KANK1: variants seen among roughly 807,000 people sequenced by gnomAD.
KANK1 encodes KN motif and ankyrin repeat domains 1, also known as KN motif and ankyrin repeat domain-containing protein 1.
In KANK1, 109 loss-of-function variants were observed where a neutral mutation model predicts 106.2. The observed-to-expected ratio is 1.03, with a 90% confidence interval of 0.88 to 1.20. The LOEUF is 1.20. Ranked by LOEUF, KANK1 falls within the 50% of genes most tolerant of loss-of-function variation. The pLI is 0.00. For synonymous variants in KANK1, 873 were observed against 652.2 expected, an observed-to-expected ratio of 1.34 and a Z score of -5.16; for missense variants, 2,399 against 1,710.7, an observed-to-expected ratio of 1.40 and a Z score of -7.10.
In KANK1 at chr9:474,804, C is replaced by CA. The variant is rs1487323564; in HGVS notation, c.-362+1532dup. Among the ~76,000 whole-genome samples the CA allele has an allele frequency of 2.6e-5, 4 of 152,268 alleles. No individual in the cohort carries two copies. The East Asian group carries it at 5.8e-4, about 22-fold the overall frequency. Reference sequence around the variant, plus strand: ...TGGTGGCAGGGTGACAATGGAGCACCACAAGCTGTCTAGGCCATCTAGACT... The same window carrying CA: ...TGGTGGCAGGGTGACAATGGAGCACCAACAAGCTGTCTAGGCCATCTAGACT... On this transcript the variant is annotated intron_variant, in intron 3 of 15. Transcript: ENST00000382303.
At chr9:615,887 C>T (rs1417843406) in intron 1 of KANK1, among the ~76,000 whole-genome samples, 1 of 152,196 alleles carries the variant, frequency 6.6e-6, no homozygotes, top group Non-Finnish European at 1.5e-5. Context: ...TGCTGGCCTA[C>T]TTCTGGTCCT....
chr9:520,732 C>T (rs1440607019), intron 1 of KANK1, among the ~76,000 whole-genome samples: 2 of 151,716 alleles, frequency 1.3e-5, no homozygotes, highest in African/African-American at 4.9e-5. Context: ...AAAACAGGGT[C>T]TAGTTTTTGG....
chr9:627,201 C>T (rs1300189913), intron 1 of KANK1, among the ~76,000 whole-genome samples: 1 of 152,118 alleles, frequency 6.6e-6, no homozygotes, highest in African/African-American at 2.4e-5. Context: ...ATTTTATGGA[C>T]AAGTCCATCC....
chr9:684,543 G>A (rs1360097021), intron 2 of KANK1: 2 of 985,338 alleles, frequency 2.0e-6, no homozygotes, highest in African/African-American at 3.5e-5. Context: ...TGAAAACTCT[G>A]TGCTCTGCTC....
At chr9:621,093 C>A (rs77169353) in intron 1 of KANK1, among the ~76,000 whole-genome samples, 2 of 152,150 alleles carry the variant, frequency 1.3e-5, no homozygotes, top group African/African-American at 4.8e-5. Context: ...CTATTCAATT[C>A]AGTCTCTTCT....
At chr9:600,464 CTT>C (rs1214362798) in intron 1 of KANK1, among the ~76,000 whole-genome samples, 1 of 151,802 alleles carries the variant, frequency 6.6e-6, no homozygotes. Flanking sequence ...ATGTCTGACT[CTT>C]TTCATTCCCA....
At chr9:683,273 T>C (rs1334191760) in intron 2 of KANK1, among the ~76,000 whole-genome samples, 1 of 152,190 alleles carries the variant, frequency 6.6e-6, no homozygotes, top group Admixed American at 6.5e-5. Flanking sequence ...AAAATGTGTG[T>C]TCTTATTTGT....
intron 1 of KANK1, among the ~76,000 whole-genome samples, chr9:625,467 A>T (rs536856983): frequency 1.3e-5 from 2 of 152,146 alleles, no homozygotes; most frequent in African/African-American, 4.8e-5. Flanking sequence ...AAGATTGCCT[A>T]TATTTTTGTT....
chr9:645,697 CGTG>C (rs1839518636), intron 1 of KANK1, among the ~76,000 whole-genome samples: 1 of 150,604 alleles, frequency 6.6e-6, no homozygotes, highest in South Asian at 2.1e-4. Context: ...GCCTGGCCAA[CGTG>C]GTGAAACCCC....
At chr9:593,758 G>A (rs1042588611) in intron 1 of KANK1, among the ~76,000 whole-genome samples, 8 of 151,746 alleles carry the variant, frequency 5.3e-5, no homozygotes, top group African/African-American at 1.9e-4. Flanking sequence ...GACTCCAAAG[G>A]GACAGAAGTG....
intron 1 of KANK1, among the ~76,000 whole-genome samples, chr9:656,621 C>T (rs145661580): frequency 4.2e-4 from 64 of 152,244 alleles, no homozygotes; most frequent in African/African-American, 1.4e-3. Flanking sequence ...GATGCCCCTA[C>T]TCCCTCCCGG....
Position 740,811 on chromosome 9 carries a change from C to T in KANK1, c.3573C>T (p.His1191=). ...LLDADVCNVD[H]QNKAGYTPIM... ...TTACAGATGTGTGTAATGTGGATCA[C>T]CAGAACAAGGCAGGCTACACCCCCA... Residue 1191 remains histidine (H), a synonymous_variant, in exon 9 of 12, where the codon CAC becomes CAT. Transcript: ENST00000382297. The T allele has an allele frequency of 6.2e-7, 1 of 1,612,962 alleles. No homozygotes were observed. Among genetic ancestry groups the T allele is most frequent in the Non-Finnish European group, 8.5e-7 (1 of 1,179,790 alleles).
chr9:723,352 G>T (rs1829847169), intron 3 of KANK1, among the ~76,000 whole-genome samples: 1 of 152,174 alleles, frequency 6.6e-6, no homozygotes, highest in Admixed American at 6.5e-5. Context: ...TCTGGAAGGG[G>T]TGGGAGGAAA....
intron 2 of KANK1, among the ~76,000 whole-genome samples, chr9:686,093 T>C (rs1818482492): frequency 6.6e-6 from 1 of 152,204 alleles, no homozygotes; most frequent in East Asian, 1.9e-4. Flanking sequence ...ATATGCCCAG[T>C]GCTTAATATC....
At chr9:663,489 C>A (rs10217169) in intron 1 of KANK1, among the ~76,000 whole-genome samples, 6 of 151,972 alleles carry the variant, frequency 3.9e-5, no homozygotes, top group African/African-American at 9.7e-5. Context: ...ATTTTCCTCC[C>A]AAGTCAGGAA....
rs760111940 is a variant in KANK1, at chr9:738,280, G to A, written c.3334-5G>A. On this transcript the variant is annotated splice_region_variant and splice_polypyrimidine_tract_variant and intron_variant, in intron 7 of 11. Transcript: ENST00000382297. Reference sequence around the variant, plus strand: ...AGAACTAACGACCACTTGGTGTTTTGGCAGAGGTTCTGTCTGAACACCCTC... The same window carrying A: ...AGAACTAACGACCACTTGGTGTTTTAGCAGAGGTTCTGTCTGAACACCCTC... 1.9e-6 allele frequency: 3 copies of A among 1,608,358 alleles called. No individual in the cohort carries two copies. In the East Asian group the frequency reaches 6.7e-5, roughly 36 times the overall value.
At chr9:715,113 A>G (rs1827331326) in intron 3 of KANK1, among the ~76,000 whole-genome samples, 1 of 152,324 alleles carries the variant, frequency 6.6e-6, no homozygotes, top group Admixed American at 6.5e-5. Flanking sequence ...AGTTTTCAGT[A>G]TCTGTGCTAT....
At chr9:559,908 T>C (rs548566677) in intron 1 of KANK1, among the ~76,000 whole-genome samples, 2 of 152,220 alleles carry the variant, frequency 1.3e-5, no homozygotes, top group East Asian at 3.8e-4. Flanking sequence ...CTTCCCTGTT[T>C]CTGGAACTTT....
intron 1 of KANK1, among the ~76,000 whole-genome samples, chr9:576,273 C>T (rs558501819): frequency 6.6e-6 from 1 of 152,274 alleles, no homozygotes; most frequent in South Asian, 2.1e-4. Flanking sequence ...TTTAAATGCT[C>T]AGGGCTGCTG....
Sources: gnomAD v4.1 joint callset for allele counts (sites outside exome capture counted in the v4.1 genomes callset) on GRCh38, gnomAD v4.1.1 for gene constraint, MANE v1.5 for transcripts, NCBI Gene and HGNC (gene_info 2026-07-23, HGNC 2026-07-21) for gene names.